Variants in RAB38 observed in about 807,000 individuals in gnomAD.
RAB38 encodes ras-related protein Rab-38.
A neutral mutation model predicts 18.4 loss-of-function variants in RAB38; 15 were observed. The ratio of observed to expected loss-of-function variants is 0.82; its 90% CI spans 0.55 to 1.26. The LOEUF (loss-of-function observed/expected upper bound fraction) is 1.26, where lower values mean the gene tolerates loss of function less well. Among genes scored for constraint, RAB38 ranks in the 50% most tolerant of loss-of-function variants. The pLI is 0.00. For synonymous variants in RAB38, 101 were observed against 104.4 expected (o/e 0.97, Z 0.20); for missense variants, 294 against 267.4 (o/e 1.10, Z -0.69).
chr11:88,027,600 C>T, the RAB38 span, among the ~76,000 whole-genome samples: 1 of 152,324 alleles, frequency 6.6e-6, no homozygotes, highest in South Asian at 2.1e-4. Context: ...GGTCCTACGC[C>T]CATGGAGTCT....
At chr11:87,833,720 A>G in the RAB38 span, among the ~76,000 whole-genome samples, 1 of 152,246 alleles carries the variant, frequency 6.6e-6, no homozygotes, top group African/African-American at 2.4e-5. Context: ...TAACAGGTAG[A>G]AGAACCCAAG....
the RAB38 span, among the ~76,000 whole-genome samples, chr11:88,045,949 G>A: frequency 6.6e-6 from 1 of 151,998 alleles, no homozygotes; most frequent in Admixed American, 6.5e-5. Context: ...TTATTAGGCC[G>A]AGACACTTTA....
At chr11:87,882,102 A>G in the RAB38 span, among the ~76,000 whole-genome samples, 1 of 151,924 alleles carries the variant, frequency 6.6e-6, no homozygotes. Flanking sequence ...TCTTAAAAAT[A>G]TCCTTGGTTT....
At chr11:87,947,252 A>C in the RAB38 span, among the ~76,000 whole-genome samples, 8 of 149,052 alleles carry the variant, frequency 5.4e-5, no homozygotes, top group Non-Finnish European at 1.0e-4. Context: ...TTTTTCTTGT[A>C]AATTTGTTTG....
In RAB38 at chr11:88,149,696, T is replaced by C; in HGVS notation, c.462A>G (p.Gly154=). ...DQFCKEHGFV[G]WFETSAKENI... is the part of the protein sequence containing the mutation. ...TTACCTTTGCTGATGTTTCAAACCA[T>C]CCTACGAAACCGTGCTCCTTGCAGA... Residue 154 remains glycine, a synonymous_variant, in exon 2 of 3, where the codon GGA becomes GGG. Coordinates refer to ENST00000243662, the MANE Select transcript of RAB38 (RefSeq NM_022337.3). 1 of 1,611,488 alleles carries C rather than the reference T, an allele frequency of 6.2e-7. No individual in the cohort carries two copies. The highest frequency in any genetic ancestry group is 1.3e-5 in the African/African-American group (1 of 75,016).
the RAB38 span, among the ~76,000 whole-genome samples, chr11:87,908,764 C>G: frequency 6.6e-6 from 1 of 151,938 alleles, no homozygotes; most frequent in Admixed American, 6.6e-5. Context: ...TTGAAATTGA[C>G]TATATGTGGG....
At chr11:88,162,726 G>A (rs1357392826) in intron 1 of RAB38, among the ~76,000 whole-genome samples, 1 of 152,038 alleles carries the variant, frequency 6.6e-6, no homozygotes, top group Admixed American at 6.6e-5. Flanking sequence ...CCTTCACGAT[G>A]ATTCCATTCC....
chr11:87,859,430 G>A, the RAB38 span, among the ~76,000 whole-genome samples: 1 of 152,140 alleles, frequency 6.6e-6, no homozygotes, highest in African/African-American at 2.4e-5. Context: ...AATCATAAAT[G>A]ACCTAATAGA....
At chr11:87,850,963 C>A in the RAB38 span, among the ~76,000 whole-genome samples, 1 of 152,288 alleles carries the variant, frequency 6.6e-6, no homozygotes, top group East Asian at 1.9e-4. Context: ...CCAACATACA[C>A]ACAAAGACTG....
the RAB38 span, among the ~76,000 whole-genome samples, chr11:87,974,089 T>C: frequency 3.3e-5 from 5 of 151,770 alleles, no homozygotes; most frequent in East Asian, 3.9e-4. Flanking sequence ...AAAATAAAAA[T>C]TTGTGAGATA....
the RAB38 span, among the ~76,000 whole-genome samples, chr11:88,008,105 C>G: frequency 0.016 from 2,466 of 152,030 alleles, 69 homozygotes; most frequent in East Asian, 0.13. Context: ...TGGAAACTTT[C>G]AGAAGAAAGA....
At chr11:88,146,169 C>A (rs559672385) in intron 2 of RAB38, among the ~76,000 whole-genome samples, 1 of 152,260 alleles carries the variant, frequency 6.6e-6, no homozygotes, top group East Asian at 1.9e-4. Flanking sequence ...AAAGTTACTC[C>A]ATAGGATTGA....
At chr11:88,132,432 C>T (rs1222619443) in intron 2 of RAB38, among the ~76,000 whole-genome samples, 1 of 152,106 alleles carries the variant, frequency 6.6e-6, no homozygotes, top group Non-Finnish European at 1.5e-5. Context: ...TATAGACGAA[C>T]ACAATTCTAA....
the RAB38 span, among the ~76,000 whole-genome samples, chr11:88,079,021 A>G: frequency 1.8e-4 from 27 of 151,870 alleles, no homozygotes; most frequent in Non-Finnish European, 3.2e-4. Context: ...TGTATCAATT[A>G]AAAAACTTAG....
chr11:87,845,841 C>T, the RAB38 span, among the ~76,000 whole-genome samples: 2 of 152,048 alleles, frequency 1.3e-5, no homozygotes, highest in Admixed American at 1.3e-4. Context: ...GTTGATTTCT[C>T]ATCAGAAACT....
chr11:88,046,995 A>T, the RAB38 span, among the ~76,000 whole-genome samples: 1 of 152,108 alleles, frequency 6.6e-6, no homozygotes, highest in Non-Finnish European at 1.5e-5. Flanking sequence ...TTTTTATCCT[A>T]GGCAAAACTT....
chr11:87,828,333 T>C, the RAB38 span, among the ~76,000 whole-genome samples: 2 of 152,318 alleles, frequency 1.3e-5, no homozygotes, highest in South Asian at 4.1e-4. Flanking sequence ...TTAAGAACTT[T>C]GTCATGTTTA....
the RAB38 span, among the ~76,000 whole-genome samples, chr11:88,065,483 G>A: frequency 6.6e-6 from 1 of 152,156 alleles, no homozygotes; most frequent in Non-Finnish European, 1.5e-5. Context: ...AGTTGACCTA[G>A]GTTAGTGCAT....
the RAB38 span, among the ~76,000 whole-genome samples, chr11:87,964,547 G>T: frequency 6.6e-6 from 1 of 152,008 alleles, no homozygotes; most frequent in Non-Finnish European, 1.5e-5. Context: ...GCTACAAAGT[G>T]CAAAACGACA....
Sources: gnomAD v4.1 joint callset for allele counts (sites outside exome capture counted in the v4.1 genomes callset) on GRCh38, gnomAD v4.1.1 for gene constraint, MANE v1.5 for transcripts, NCBI Gene and HGNC (gene_info 2026-07-23, HGNC 2026-07-21) for gene names.